PDE10A: variants seen among roughly 807,000 people sequenced by gnomAD.
PDE10A encodes phosphodiesterase 10A.
In PDE10A, 39 loss-of-function variants were observed where a neutral mutation model predicts 97.7. The observed-to-expected ratio is 0.40, with a 90% confidence interval of 0.31 to 0.52. PDE10A has a LOEUF of 0.52. PDE10A is among the 20% of genes least tolerant of loss of function. The pLI is 0.56. For synonymous variants in PDE10A, 371 were observed against 376.8 expected, an observed-to-expected ratio of 0.98 and a Z score of 0.18; for missense variants, 731 against 1,047.8, an observed-to-expected ratio of 0.70 and a Z score of 4.17.
intron 1 of PDE10A, among the ~76,000 whole-genome samples, chr6:165,602,500 G>C (rs1366049507): frequency 6.6e-6 from 1 of 152,136 alleles, no homozygotes; most frequent in Non-Finnish European, 1.5e-5. Context: ...CTGGGCAGGA[G>C]AATAGGCAGA....
At chr6:165,638,013 A>G (rs914094961) in intron 1 of PDE10A, among the ~76,000 whole-genome samples, 10 of 152,092 alleles carry the variant, frequency 6.6e-5, no homozygotes, top group African/African-American at 2.4e-4. Flanking sequence ...TCCTCCAGCC[A>G]GCCCTCGCCT....
At chr6:165,525,418 A>G (rs1399392815) in intron 2 of PDE10A, among the ~76,000 whole-genome samples, 1 of 152,126 alleles carries the variant, frequency 6.6e-6, no homozygotes, top group Admixed American at 6.6e-5. Flanking sequence ...AAAATGGCCT[A>G]CTATGAGGAA....
At chr6:165,895,140 G>A (rs916652139) in intron 1 of PDE10A, among the ~76,000 whole-genome samples, 2 of 152,104 alleles carry the variant, frequency 1.3e-5, no homozygotes, top group Non-Finnish European at 2.9e-5. Context: ...TTTTGTCCCT[G>A]TAAAAGATAT....
chr6:165,475,526 C>T (rs956846960), intron 3 of PDE10A, among the ~76,000 whole-genome samples: 2 of 152,168 alleles, frequency 1.3e-5, no homozygotes, highest in African/African-American at 2.4e-5. Flanking sequence ...GTGAAGCCAA[C>T]TTGAAAACAT....
At chr6:165,384,362 G>A (rs762553759) in intron 17 of PDE10A, among the ~76,000 whole-genome samples, 3 of 152,098 alleles carry the variant, frequency 2.0e-5, no homozygotes, top group Non-Finnish European at 2.9e-5. Flanking sequence ...ACACAGCGAC[G>A]GGCCCCAAAC....
At chr6:165,795,186 G>A (rs1778796079) in intron 1 of PDE10A, among the ~76,000 whole-genome samples, 1 of 152,162 alleles carries the variant, frequency 6.6e-6, no homozygotes, top group Admixed American at 6.5e-5. Context: ...CATCACCTCT[G>A]GAGGGAAACT....
rs1161952953 is a variant in PDE10A at position 165,518,669 on chromosome 6, A to G, written c.994+24771T>C. On this transcript the variant is annotated intron_variant, in intron 2 of 21. Transcript: ENST00000539869. ...TTTAAGTGAAATGGTGAAAGTTCTC[A>G]ACTTGATAAGGAAAGAAAAAACAAT... 2.0e-5 allele frequency among the ~76,000 whole-genome samples: 3 copies of G among 152,350 alleles called. No individual in the cohort carries two copies. In the East Asian group the frequency reaches 5.8e-4, roughly 29 times the overall value.
chr6:165,785,424 C>T (rs900853209), intron 1 of PDE10A, among the ~76,000 whole-genome samples: 3 of 152,196 alleles, frequency 2.0e-5, no homozygotes, highest in African/African-American at 7.2e-5. Flanking sequence ...TAGATTTTAA[C>T]TCAAGAGGGT....
chr6:165,610,743 T>G (rs984617086), intron 1 of PDE10A, among the ~76,000 whole-genome samples: 1 of 152,154 alleles, frequency 6.6e-6, no homozygotes, highest in Non-Finnish European at 1.5e-5. Context: ...TAAGAAAAAG[T>G]GGCCTTCAAA....
intron 2 of PDE10A, among the ~76,000 whole-genome samples, chr6:165,537,934 A>G (rs1284899091): frequency 1.3e-5 from 2 of 152,012 alleles, no homozygotes; most frequent in African/African-American, 4.8e-5. Flanking sequence ...ACTAATAGTT[A>G]ATATATTATT....
At chr6:165,821,748 G>C (rs1003881357) in intron 1 of PDE10A, among the ~76,000 whole-genome samples, 3 of 152,024 alleles carry the variant, frequency 2.0e-5, no homozygotes, top group African/African-American at 7.3e-5. Context: ...TCACCATGTT[G>C]GCCAGGCTCG....
At chr6:165,460,918 C>A (rs930330376) in intron 3 of PDE10A, among the ~76,000 whole-genome samples, 10 of 152,086 alleles carry the variant, frequency 6.6e-5, no homozygotes, top group Admixed American at 6.6e-5. Context: ...AAAGTTCCTG[C>A]CAAAAATTAG....
intron 2 of PDE10A, among the ~76,000 whole-genome samples, chr6:165,484,333 ACAG>A (rs1779775087): frequency 6.6e-6 from 1 of 152,248 alleles, no homozygotes. Flanking sequence ...ACTGGGCCAC[ACAG>A]CAGGAGGTGA....
chr6:165,476,393 T>C (rs1779301204), intron 3 of PDE10A, among the ~76,000 whole-genome samples: 1 of 152,106 alleles, frequency 6.6e-6, no homozygotes, highest in Non-Finnish European at 1.5e-5. Flanking sequence ...GAAGTAACCT[T>C]TAATTTTAAA....
Position 165,604,518 on chromosome 6 carries a change from T to TAA in PDE10A, c.865+57427_865+57428dup, listed in dbSNP as rs34272357. Among the ~76,000 whole-genome samples the TAA allele has an allele frequency of 3.3e-4, 45 of 137,788 alleles. No individual in the cohort carries two copies. In the East Asian group the frequency reaches 6.7e-3, roughly 20 times the overall value. 90.4% of individuals were successfully genotyped at this position (137,788 alleles called of 152,430 possible). A position where few individuals can be genotyped will look rare whatever the true frequency, so the allele number is the denominator to read the frequency against. On this transcript the variant is annotated intron_variant, in intron 1 of 21. Transcript: ENST00000539869. Reference sequence around the variant, plus strand: ...ACAAGACTGCACTTACTCTCTTTGTTAAAAAAAAAAAAAAAAAGTGTTACT... The same window carrying TAA: ...ACAAGACTGCACTTACTCTCTTTGTTAAAAAAAAAAAAAAAAAAAGTGTTACT...
intron 1 of PDE10A, among the ~76,000 whole-genome samples, chr6:165,550,922 C>A (rs180832555): frequency 6.6e-6 from 1 of 152,122 alleles, no homozygotes; most frequent in African/African-American, 2.4e-5. Context: ...TACACATTTA[C>A]GTTAAAAAAT....
chr6:165,876,885 A>AGG (rs1282488123), intron 1 of PDE10A, among the ~76,000 whole-genome samples: 3 of 152,236 alleles, frequency 2.0e-5, no homozygotes, highest in African/African-American at 7.2e-5. Flanking sequence ...CAGCAAAGGG[A>AGG]GGAGCAGCTG....
At chr6:165,740,885 G>A (rs1792704780) in intron 1 of PDE10A, among the ~76,000 whole-genome samples, 1 of 152,164 alleles carries the variant, frequency 6.6e-6, no homozygotes, top group Non-Finnish European at 1.5e-5. Context: ...AAAAGAAGAT[G>A]GGGAGATGTT....
At chr6:165,337,105 C>T (rs1781699617) in intron 20 of PDE10A, among the ~76,000 whole-genome samples, 1 of 151,900 alleles carries the variant, frequency 6.6e-6, no homozygotes, top group African/African-American at 2.4e-5. Flanking sequence ...ACTGTTTTTC[C>T]AATATATCAC....
Sources: gnomAD v4.1 joint callset for allele counts (sites outside exome capture counted in the v4.1 genomes callset) on GRCh38, gnomAD v4.1.1 for gene constraint, MANE v1.5 for transcripts, NCBI Gene and HGNC (gene_info 2026-07-23, HGNC 2026-07-21) for gene names.